Variants in ADRA1A observed in about 807,000 individuals in gnomAD.
ADRA1A encodes the protein alpha-1A adrenergic receptor.
In ADRA1A, 31 loss-of-function variants were observed where a neutral mutation model predicts 29.6. The observed-to-expected ratio is 1.05, with a 90% CI of 0.79 to 1.41. ADRA1A has a LOEUF of 1.41. Among genes scored for constraint, ADRA1A ranks in the 40% most tolerant of loss-of-function variants. The pLI, the probability that ADRA1A is intolerant of heterozygous loss-of-function variation, is 0.00. For missense variants in ADRA1A, 619 were observed against 601.1 expected, an observed-to-expected ratio of 1.03 and a Z score of -0.31; for synonymous variants, 311 against 254.3, an observed-to-expected ratio of 1.22 and a Z score of -2.12.
intron 2 of ADRA1A, among the ~76,000 whole-genome samples, chr8:26,847,308 C>A (rs1389932547): frequency 6.6e-6 from 1 of 152,064 alleles, no homozygotes; most frequent in Admixed American, 6.5e-5. Flanking sequence ...CAGACCTTGC[C>A]AAGTGCCTCC....
In ADRA1A at chr8:26,863,504, A is replaced by C. The variant is rs569186632; in HGVS notation, c.883+583T>G. On this transcript the variant is annotated intron_variant, in intron 2 of 2. Transcript: ENST00000380573. ...TTAAGGCTTAAATTGGTTTGGACAT[A>C]AAATCATTTTTTTTTCTTAGTGGCT... 3.6e-3 allele frequency among the ~76,000 whole-genome samples: 544 copies of C among 152,354 alleles called. 3 individuals are homozygous for C. Among genetic ancestry groups the C allele is most frequent in the African/African-American group, 0.012 (516 of 41,582 alleles).
At chr8:26,851,417 A>G (rs959588839) in intron 2 of ADRA1A, among the ~76,000 whole-genome samples, 1 of 152,234 alleles carries the variant, frequency 6.6e-6, no homozygotes, top group African/African-American at 2.4e-5. Context: ...GAAAATAGTG[A>G]AAACGAAGGA....
intron 2 of ADRA1A, among the ~76,000 whole-genome samples, chr8:26,856,914 C>G (rs1813091190): frequency 6.6e-6 from 1 of 152,164 alleles, no homozygotes. Context: ...CTCAATATAA[C>G]TGATGGATTA....
Position 26,775,107 on chromosome 8 carries a change from TC to T in ADRA1A, c.884-4442del, listed in dbSNP as rs1806451472. On this transcript the variant is annotated intron_variant, in intron 2 of 2. Transcript: ENST00000380573. This position sits in a 1 kb window ranked among gnomAD's most constrained non-coding sequence, Gnocchi z 4.1. The stretch of plus-strand genomic sequence containing the variant: ...CAGCCATCCGGCCGGCTTTGCTCAC[TC>T]ACGGAGCTCCAGAATCCAGTAAAAT... Among the ~76,000 whole-genome samples, 1 of 152,174 alleles carries T rather than the reference TC, an allele frequency of 6.6e-6. No homozygotes were observed. The highest frequency in any genetic ancestry group is 1.5e-5 in the Non-Finnish European group (1 of 68,042).
downstream of ADRA1A, among the ~76,000 whole-genome samples, chr8:26,755,142 C>T (rs1805098197): frequency 6.6e-6 from 1 of 151,736 alleles, no homozygotes. Context: ...GAATTAAGCA[C>T]TTCCATTCTT....
In ADRA1A at chr8:26,814,177, A is replaced by G. The variant is rs533722802; in HGVS notation, c.884-43511T>C. On this transcript the variant is annotated intron_variant, in intron 2 of 2. Coordinates refer to ENST00000380573, the MANE Select transcript of ADRA1A (RefSeq NM_000680.4). Reference sequence around the variant, plus strand: ...CTTTAAAGGAGTGGTTTTAGTGATTACTATCTCCTATGGTGAAAAAAAAAA... The same window carrying G: ...CTTTAAAGGAGTGGTTTTAGTGATTGCTATCTCCTATGGTGAAAAAAAAAA... 5.4e-5 allele frequency among the ~76,000 whole-genome samples: 8 copies of G among 147,768 alleles called. No individual in the cohort carries two copies. In the East Asian group the frequency reaches 1.5e-3, roughly 28 times the overall value.
At chr8:26,779,058 AT>A (rs1449574774) in intron 2 of ADRA1A, 5 of 342,956 alleles carry the variant, frequency 1.5e-5, no homozygotes, top group African/African-American at 1.1e-4. Flanking sequence ...TGAATGGCTT[AT>A]TTATTTCACG....
Position 26,813,857 on chromosome 8 carries a change from C to A in ADRA1A, c.884-43191G>T, listed in dbSNP as rs116167126. Among the ~76,000 whole-genome samples the A allele has an allele frequency of 2.8e-3, 422 of 152,052 alleles. 3 individuals carry two copies. The highest frequency in any genetic ancestry group is 9.7e-3 in the African/African-American group (400 of 41,430). ...GTCTTTTTAGACTAGGCTCAAAAAC[C>A]TGGACACAGTGAAGGATGATGTTGA... is the stretch of plus-strand genomic sequence containing the variant. On this transcript the variant is annotated intron_variant, in intron 2 of 2. Transcript: ENST00000380573.
chr8:26,816,711 A>G (rs1809793656), intron 2 of ADRA1A, among the ~76,000 whole-genome samples: 1 of 152,186 alleles, frequency 6.6e-6, no homozygotes, highest in South Asian at 2.1e-4. Flanking sequence ...GTGGCACCTC[A>G]GCGCCCACCA....
rs1809720858 is a variant in ADRA1A, at chr8:26,815,906, G to C, written c.884-45240C>G. Among the ~76,000 whole-genome samples the C allele has an allele frequency of 6.6e-6, 1 of 152,174 alleles. No homozygotes were observed. On this transcript the variant is annotated intron_variant, in intron 2 of 2. Transcript: ENST00000380573. This position sits in a 1 kb window ranked among gnomAD's most constrained non-coding sequence, Gnocchi z 4.2. The stretch of plus-strand genomic sequence containing the variant: ...CCAGGGCAGAAGGAATGAGAGAAAA[G>C]GGAAATGAGACAGGGCAGGATGAGA...
chr8:26,770,860 T>C (rs1806094090), intron 2 of ADRA1A, among the ~76,000 whole-genome samples, 194 bp from the exon 3 acceptor site: 1 of 152,216 alleles, frequency 6.6e-6, no homozygotes, highest in Admixed American at 6.5e-5. Context: ...AGACCATTCC[T>C]ACTTGGTCCG....
In ADRA1A at chr8:26,864,404, G is replaced by T. The variant is rs371939148; in HGVS notation, c.566C>A (p.Ala189Glu). ...CAGAGGCAGGTAGAAGGAGCCCAGC[G>T]CTGAGAAGAGCACGTAGCCCGGCTC... Reference protein sequence around the residue: ...NEEPGYVLFSALGSFYLPLAI... With the variant: ...NEEPGYVLFSELGSFYLPLAI... Residue 189 changes from alanine to glutamate, a missense_variant, in exon 2 of 3, where the codon GCG becomes GAG. By Grantham distance (107) the Ala-to-Glu change is moderately radical. Transcript: ENST00000380573. The surrounding 1 kb of genome is among the most constrained non-coding windows in gnomAD (Gnocchi z 8.1). The T allele has an allele frequency of 6.2e-6, 10 of 1,613,382 alleles. No individual in the cohort carries two copies. The highest frequency in any genetic ancestry group is 5.0e-5 in the Admixed American group (3 of 60,004).
chr8:26,766,272 A>T, downstream of ADRA1A: 2 of 723,784 alleles, frequency 2.8e-6, no homozygotes. Context: ...GTGGTTGGTC[A>T]TCAATAACTT....
chr8:26,770,702 G>C (rs1806082692), intron 2 of ADRA1A, 36 bp from the exon 3 acceptor site: 1 of 1,550,548 alleles, frequency 6.4e-7, no homozygotes, highest in African/African-American at 1.4e-5. Flanking sequence ...CATATTATTT[G>C]AAAGCCAGCA....
In ADRA1A at chr8:26,805,822, T is replaced by G. The variant is rs1044532962; in HGVS notation, c.884-35156A>C. Among the ~76,000 whole-genome samples, 1 of 152,152 alleles carries G rather than the reference T, an allele frequency of 6.6e-6. No homozygotes were observed. The highest frequency in any genetic ancestry group is 2.4e-5 in the African/African-American group (1 of 41,450). On this transcript the variant is annotated intron_variant, in intron 2 of 2. Transcript: ENST00000380573. The surrounding 1 kb of genome is among the most constrained non-coding windows in gnomAD (Gnocchi z 4.8). The stretch of plus-strand genomic sequence containing the variant: ...CTTGAACACATTTATTTTTAACCAT[T>G]TTCCCCCCCACATAGATTTGGCATT...
chr8:26,856,308 C>T (rs192816398), intron 2 of ADRA1A, among the ~76,000 whole-genome samples: 1 of 152,346 alleles, frequency 6.6e-6, no homozygotes, highest in East Asian at 1.9e-4. Context: ...CAGGATACAG[C>T]TCCCCTTGTC....
intron 2 of ADRA1A, among the ~76,000 whole-genome samples, chr8:26,857,537 G>A (rs1813138922): frequency 6.6e-6 from 1 of 152,116 alleles, no homozygotes; most frequent in South Asian, 2.1e-4. Flanking sequence ...CAGGCATGGT[G>A]GTGCATGCCT....
chr8:26,763,175 C>T (rs1805600445), downstream of ADRA1A, among the ~76,000 whole-genome samples: 3 of 152,176 alleles, frequency 2.0e-5, no homozygotes, highest in Admixed American at 2.0e-4. This position sits in a 1 kb window ranked among gnomAD's most constrained non-coding sequence, Gnocchi z 4.5. Context: ...CCCCATGGCT[C>T]TCCTTGGTGA....
intron 2 of ADRA1A, among the ~76,000 whole-genome samples, chr8:26,807,602 T>C (rs1000666178): frequency 6.6e-6 from 1 of 152,184 alleles, no homozygotes; most frequent in African/African-American, 2.4e-5. Context: ...CATTATAGCA[T>C]GTAGTGCATA....
Sources: gnomAD v4.1 joint callset for allele counts (sites outside exome capture counted in the v4.1 genomes callset) on GRCh38, gnomAD v4.1.1 for gene constraint, Gnocchi (gnomAD v3.1) non-coding constraint, MANE v1.5 for transcripts, NCBI Gene and HGNC (gene_info 2026-07-23, HGNC 2026-07-21) for gene names.